The following B9D2 variants were observed in gnomAD, a reference collection of about 807,000 sequenced individuals.
The protein encoded by B9D2 is B9 domain containing 2.
Under a neutral mutation model 19.2 loss-of-function variants are expected in B9D2, and 21 were observed. The observed-to-expected ratio is 1.09, with a 90% CI of 0.78 to 1.58. B9D2 has a LOEUF of 1.58. Ranked by LOEUF, B9D2 falls within the 40% of genes most tolerant of loss-of-function variation. The pLI is 0.00. For synonymous variants in B9D2, 91 were observed against 100.6 expected, an observed-to-expected ratio of 0.90 and a Z score of 0.57; for missense variants, 221 against 244.3, an observed-to-expected ratio of 0.90 and a Z score of 0.64.
Position 41,363,996 on chromosome 19 carries a change from A to C in B9D2, c.-43T>G, listed in dbSNP as rs928188526. ...ACGGTTAGGAGAGGAGAAAGCGGCA[A>C]CCGGGGTTGTAGTTCATGGGCTTGA... On this transcript the variant is annotated 5_prime_UTR_variant, in exon 1 of 4. Transcript: ENST00000243578. 4.8e-6 allele frequency: 1 copy of C among 209,170 alleles called. No homozygotes were observed. 13.0% of individuals were successfully genotyped at this position (209,170 alleles called of 1,614,324 possible). A position where few individuals can be genotyped will look rare whatever the true frequency, so the allele number is the denominator to read the frequency against.
chr19:41,359,260 ATC>A (rs2038365671), intron 2 of B9D2, among the ~76,000 whole-genome samples: 1 of 151,450 alleles, frequency 6.6e-6, no homozygotes. Context: ...GCGAAATCCC[ATC>A]TCTACTAAAA....
At chr19:41,355,547 A>G (rs776377752) in intron 3 of B9D2, among the ~76,000 whole-genome samples, 2 of 152,136 alleles carry the variant, frequency 1.3e-5, no homozygotes, top group Non-Finnish European at 2.9e-5. Flanking sequence ...AGCTTTGCCC[A>G]TGTCCTCAGA....
intron 3 of B9D2, 26 bp downstream of exon 3, chr19:41,357,871 G>A: frequency 6.2e-7 from 1 of 1,613,524 alleles, no homozygotes; most frequent in South Asian, 1.1e-5. Context: ...CCTCAGCCTG[G>A]ACCCGGGTCC....
intron 3 of B9D2, among the ~76,000 whole-genome samples, chr19:41,355,402 A>G (rs2038297000): frequency 6.8e-6 from 1 of 147,446 alleles, no homozygotes; most frequent in Non-Finnish European, 1.5e-5. Context: ...GGTAACCATC[A>G]TGGGCCTTGT....
intron 2 of B9D2, 144 bp downstream of exon 2, chr19:41,363,286 CAT>C: frequency 1.3e-6 from 1 of 798,006 alleles, no homozygotes; most frequent in East Asian, 2.7e-5. Flanking sequence ...GCTTGAGACT[CAT>C]GTGGACAGGG....
chr19:41,355,113 C>T lies in B9D2; in HGVS notation c.215-100G>A, dbSNP rs41445948. The T allele has an allele frequency of 2.1e-3, 2,542 of 1,223,554 alleles. 6 individuals carry two copies. Among genetic ancestry groups the T allele is most frequent in the Middle Eastern group, 6.3e-3 (23 of 3,624 alleles). The allele number at this position is 1,223,554 out of a possible 1,614,324, so 75.8% of individuals were successfully genotyped here. On this transcript the variant is annotated intron_variant, in intron 3 of 3. Coordinates refer to ENST00000243578, the MANE Select transcript of B9D2 (RefSeq NM_030578.4). ...ACTCACTGGAGACCCCAGGCCCAGT[C>T]TTTTCCTCTCTGGGTTTCTGTCCCA...
chr19:41,363,348 T>G, intron 2 of B9D2, 84 bp downstream of exon 2: 2 of 1,358,088 alleles, frequency 1.5e-6, no homozygotes, highest in South Asian at 1.2e-5. Flanking sequence ...AGGTTAAGAG[T>G]CTGCGTTAAG....
intron 2 of B9D2, among the ~76,000 whole-genome samples, chr19:41,362,201 G>A (rs1385002400): frequency 6.7e-6 from 1 of 148,882 alleles, no homozygotes; most frequent in Admixed American, 6.7e-5. Flanking sequence ...GGCTAACACA[G>A]TGAAACCCCA....
intron 2 of B9D2, among the ~76,000 whole-genome samples, chr19:41,362,099 AAGG>A: frequency 6.8e-6 from 1 of 146,782 alleles, no homozygotes; most frequent in Non-Finnish European, 1.5e-5. Flanking sequence ...AAAAAAAAAA[AAGG>A]GCCAGGCGCA....
At position 41,357,991 on chromosome 19, in the gene B9D2, C is replaced by T; in HGVS notation, c.120G>A (p.Arg40=). Reference sequence around the variant, plus strand: ...GGGTGTCCACTTGCGTTTGGCCCTCCCGCACGCCTGACAGGAGCTTCCATG... The same window carrying T: ...GGGTGTCCACTTGCGTTTGGCCCTCTCGCACGCCTGACAGGAGCTTCCATG... ...GAAWKLLSGV[R]EGQTQVDTPQ... The change falls in exon 3 of 4, where the codon CGG becomes CGA. Residue 40 remains arginine, a synonymous_variant. Coordinates refer to ENST00000243578, the MANE Select transcript of B9D2 (RefSeq NM_030578.4). The T allele has an allele frequency of 6.2e-7, 1 of 1,614,152 alleles. No individual in the cohort carries two copies. The highest frequency in any genetic ancestry group is 8.5e-7 in the Non-Finnish European group (1 of 1,180,012).
chr19:41,355,222 T>C (rs2123126759), intron 3 of B9D2, among the ~76,000 whole-genome samples: 1 of 152,272 alleles, frequency 6.6e-6, no homozygotes. Context: ...TCCAAATCCA[T>C]GTTACTCCCC....
At chr19:41,357,131 C>T (rs1221182737) in intron 3 of B9D2, among the ~76,000 whole-genome samples, 1 of 152,222 alleles carries the variant, frequency 6.6e-6, no homozygotes, top group Non-Finnish European at 1.5e-5. Context: ...CAGAAGCCCC[C>T]TCCTCCAGGA....
chr19:41,356,571 C>T (rs1300228322), intron 3 of B9D2, among the ~76,000 whole-genome samples: 1 of 151,822 alleles, frequency 6.6e-6, no homozygotes, highest in African/African-American at 2.4e-5. Flanking sequence ...CAGCCAGGCG[C>T]GGTGGCTCAT....
intron 2 of B9D2, among the ~76,000 whole-genome samples, chr19:41,358,935 A>G: frequency 6.6e-6 from 1 of 152,118 alleles, no homozygotes; most frequent in East Asian, 1.9e-4. Context: ...ATCTAAGGTC[A>G]GGAGTTCAAG....
At chr19:41,356,743 C>G (rs1003769285) in intron 3 of B9D2, among the ~76,000 whole-genome samples, 1 of 151,500 alleles carries the variant, frequency 6.6e-6, no homozygotes, top group African/African-American at 2.4e-5. Flanking sequence ...CCCAGCTACT[C>G]GTGAGGCTGA....
rs1021189795 is a variant in B9D2 at position 41,354,577 on chromosome 19, C to T, written c.*123G>A. 2.3e-6 allele frequency: 3 copies of T among 1,308,104 alleles called. No individual in the cohort carries two copies. The highest frequency in any genetic ancestry group is 2.2e-4 in the Middle Eastern group (1 of 4,580). The allele number at this position is 1,308,104 out of a possible 1,614,324, so 81.0% of individuals were successfully genotyped here. A position where few individuals can be genotyped will look rare whatever the true frequency, so the allele number is the denominator to read the frequency against. On this transcript the variant is annotated 3_prime_UTR_variant, in exon 4 of 4. Transcript: ENST00000243578. ...GGTCCTAGAAAGGACAGAAGCGGTG[C>T]CATGCCTTAGCTGGGGTCAGCTCTG...
rs758482556 is a variant in B9D2 at position 41,363,533 on chromosome 19, G to A, written c.-4-10C>T. The stretch of plus-strand genomic sequence containing the variant: ...CACCTCAGCCATGGCCCTGGGAGGG[G>A]AAAAATATAATCACAACCCTGTGAG... On this transcript the variant is annotated splice_polypyrimidine_tract_variant and intron_variant, in intron 1 of 3. Transcript: ENST00000243578. 1 of 1,612,002 alleles carries A rather than the reference G, an allele frequency of 6.2e-7. No homozygotes were observed. The highest frequency in any genetic ancestry group is 8.5e-7 in the Non-Finnish European group (1 of 1,178,412).
chr19:41,358,979 T>C (rs2038360751), intron 2 of B9D2, among the ~76,000 whole-genome samples: 1 of 152,090 alleles, frequency 6.6e-6, no homozygotes, highest in Admixed American at 6.6e-5. Flanking sequence ...ACCTCGTCTC[T>C]ACTAAAAATA....
intron 2 of B9D2, among the ~76,000 whole-genome samples, chr19:41,358,657 T>C (rs956841882): frequency 3.3e-5 from 5 of 152,140 alleles, no homozygotes; most frequent in African/African-American, 1.2e-4. Flanking sequence ...CAGGAGCGCA[T>C]CCTGAAACAC....
Sources: gnomAD v4.1 joint callset for allele counts (sites outside exome capture counted in the v4.1 genomes callset) on GRCh38, gnomAD v4.1.1 for gene constraint, MANE v1.5 for transcripts, NCBI Gene and HGNC (gene_info 2026-07-23, HGNC 2026-07-21) for gene names.